Variants in VRK2 observed in about 807,000 individuals in gnomAD.
The protein encoded by VRK2 is serine/threonine-protein kinase VRK2.
In VRK2, 60 loss-of-function variants were observed where a neutral mutation model predicts 57.6. The ratio of observed to expected loss-of-function variants is 1.04; its 90% CI spans 0.85 to 1.29. The LOEUF (loss-of-function observed/expected upper bound fraction) is 1.29, where lower values mean the gene tolerates loss of function less well. Ranked by LOEUF, VRK2 falls within the 50% of genes most tolerant of loss-of-function variation. The pLI, the probability that VRK2 is intolerant of heterozygous loss-of-function variation, is 0.00. For synonymous variants in VRK2, 231 were observed against 199.2 expected (o/e 1.16, Z -1.35); for missense variants, 705 against 588.1 (o/e 1.20, Z -2.06).
At chr2:58,111,654 A>G (rs1012040117) in intron 7 of VRK2, among the ~76,000 whole-genome samples, 1 of 152,238 alleles carries the variant, frequency 6.6e-6, no homozygotes, top group East Asian at 1.9e-4. Context: ...TAGTCTTACT[A>G]CAACGCAAAT....
At chr2:58,136,761 ATATATATATATCATATATATG>A (rs1573328316) in intron 10 of VRK2, among the ~76,000 whole-genome samples, 3 of 145,366 alleles carry the variant, frequency 2.1e-5, no homozygotes, top group Non-Finnish European at 4.5e-5. Context: ...TGTCATTAAC[ATATATATATATCATATATATG>A]TGTATATATA....
At chr2:58,016,507 C>CA (rs1341856295) in intron 1 of VRK2, among the ~76,000 whole-genome samples, 3 of 152,238 alleles carry the variant, frequency 2.0e-5, no homozygotes, top group African/African-American at 7.2e-5. Context: ...TGCACACCAC[C>CA]ATACCCGGCT....
intron 7 of VRK2, among the ~76,000 whole-genome samples, chr2:58,096,702 CTTA>C (rs1673190728): frequency 6.6e-6 from 1 of 151,156 alleles, no homozygotes; most frequent in African/African-American, 2.4e-5. Flanking sequence ...TTTCTTTTTT[CTTA>C]TTATTAATTT....
At chr2:58,118,068 A>C (rs933343691) in intron 7 of VRK2, among the ~76,000 whole-genome samples, 1 of 152,040 alleles carries the variant, frequency 6.6e-6, no homozygotes, top group Non-Finnish European at 1.5e-5. Context: ...GCTAAGGGTG[A>C]AGGAGAAGGG....
chr2:57,997,466 A>G (rs1279466684), intron 1 of VRK2, among the ~76,000 whole-genome samples: 1 of 152,202 alleles, frequency 6.6e-6, no homozygotes, highest in Non-Finnish European at 1.5e-5. Flanking sequence ...ATTTTAAGTT[A>G]CAAAGTTAAA....
intron 1 of VRK2, among the ~76,000 whole-genome samples, chr2:57,933,663 G>GT (rs34738965): frequency 0.67 from 100,003 of 148,826 alleles, 34,242 homozygotes; most frequent in African/African-American, 0.84. Flanking sequence ...TTTTTGGGTT[G>GT]TTTTTTTTTT....
chr2:58,139,744 T>A lies in VRK2; in HGVS notation c.935T>A (p.Ile312Asn), dbSNP rs1214438598. 3 of 1,613,050 alleles carry A rather than the reference T, an allele frequency of 1.9e-6. No homozygotes were observed. Among genetic ancestry groups the A allele is most frequent in the Non-Finnish European group, 2.5e-6 (3 of 1,179,432 alleles). The change falls in exon 11 of 13, where the codon ATT (isoleucine) becomes AAT (asparagine). Residue 312 changes from isoleucine to asparagine, a missense_variant. By Grantham distance (149) the Ile-to-Asn change is moderately radical (BLOSUM62 -3). Transcript: ENST00000340157. ...EKPNYQALKK[I>N]LNPHGIPLGP... ...CCAAACTATCAAGCCCTCAAGAAAATTTTGAACCCTCATGGAATACCTTTA... is the reference window on the plus strand; with the variant it reads ...CCAAACTATCAAGCCCTCAAGAAAAATTTGAACCCTCATGGAATACCTTTA...
chr2:58,111,386 G>A (rs568140972), intron 7 of VRK2, among the ~76,000 whole-genome samples: 2 of 152,286 alleles, frequency 1.3e-5, no homozygotes, highest in East Asian at 3.9e-4. Flanking sequence ...AGGTAAGGCT[G>A]TCCCTCGTAC....
At chr2:57,991,464 T>G (rs1217429352) in intron 1 of VRK2, among the ~76,000 whole-genome samples, 1 of 152,066 alleles carries the variant, frequency 6.6e-6, no homozygotes, top group African/African-American at 2.4e-5. Context: ...AAATAGTTGT[T>G]TGGACAGATG....
intron 2 of VRK2, among the ~76,000 whole-genome samples, chr2:58,078,043 T>C (rs375876283): frequency 6.6e-6 from 1 of 152,146 alleles, no homozygotes; most frequent in South Asian, 2.1e-4. Context: ...TGTTTGTATA[T>C]ACAGTTCAGT....
rs371888087 is a variant in VRK2 at position 58,032,620 on chromosome 2, G to A, written c.-332-607G>A. On this transcript the variant is annotated intron_variant, in intron 2 of 15. Coordinates refer to the VRK2 transcript ENST00000417641. ...CAAGAATTAAGTGTAGAATGTGCTGGCAATGCAAAATCTTGAGATAAAGGG... is the reference window on the plus strand; with the variant it reads ...CAAGAATTAAGTGTAGAATGTGCTGACAATGCAAAATCTTGAGATAAAGGG... 2.0e-4 allele frequency among the ~76,000 whole-genome samples: 31 copies of A among 152,192 alleles called. No individual in the cohort carries two copies. The South Asian group carries it at 6.4e-3, about 32-fold the overall frequency.
At chr2:57,971,687 T>G (rs1672103020) in intron 1 of VRK2, among the ~76,000 whole-genome samples, 1 of 151,890 alleles carries the variant, frequency 6.6e-6, no homozygotes, top group African/African-American at 2.4e-5. Context: ...CATTTATAAT[T>G]AATGCCTATA....
intron 1 of VRK2, among the ~76,000 whole-genome samples, chr2:57,957,808 T>A (rs1422206544): frequency 6.6e-6 from 1 of 152,008 alleles, no homozygotes; most frequent in African/African-American, 2.4e-5. Flanking sequence ...TGTTACCAAT[T>A]CCTTTCCATC....
At chr2:57,956,630 T>C (rs1407649610) in intron 1 of VRK2, among the ~76,000 whole-genome samples, 1 of 152,186 alleles carries the variant, frequency 6.6e-6, no homozygotes, top group Non-Finnish European at 1.5e-5. Context: ...CTTTAGGTCT[T>C]CGTATGAAGA....
chr2:58,144,099 A>G (rs183152950), intron 11 of VRK2, among the ~76,000 whole-genome samples: 1 of 151,964 alleles, frequency 6.6e-6, no homozygotes, highest in African/African-American at 2.4e-5. Context: ...TTGCAACATC[A>G]TGGATGAATC....
intron 3 of VRK2, among the ~76,000 whole-genome samples, chr2:58,038,374 C>A (rs182253452): frequency 1.0e-3 from 158 of 152,210 alleles, no homozygotes; most frequent in Admixed American, 1.8e-3. Context: ...TATAAACTAC[C>A]CAGTCTCAGA....
intron 11 of VRK2, among the ~76,000 whole-genome samples, chr2:58,143,225 C>A (rs1433218039): frequency 6.6e-6 from 1 of 151,642 alleles, no homozygotes; most frequent in African/African-American, 2.4e-5. Context: ...TTTAGGAGTC[C>A]AAAGGTATTC....
intron 8 of VRK2, among the ~76,000 whole-genome samples, chr2:58,128,896 T>C (rs1485410272): frequency 2.0e-5 from 3 of 152,208 alleles, no homozygotes; most frequent in Non-Finnish European, 4.4e-5. Flanking sequence ...TTATGCGTTC[T>C]ACTATCAGCC....
At chr2:58,145,194 G>C (rs929321772) in intron 11 of VRK2, among the ~76,000 whole-genome samples, 12 of 151,968 alleles carry the variant, frequency 7.9e-5, no homozygotes, top group African/African-American at 2.7e-4. Flanking sequence ...TTCTGTTTCT[G>C]AGTCTACTTC....
Sources: gnomAD v4.1 joint callset for allele counts (sites outside exome capture counted in the v4.1 genomes callset) on GRCh38, gnomAD v4.1.1 for gene constraint, MANE v1.5 for transcripts, NCBI Gene and HGNC (gene_info 2026-07-23, HGNC 2026-07-21) for gene names.